The following AMOT variants were observed in gnomAD, a reference collection of about 807,000 sequenced individuals.
AMOT encodes the protein angiomotin.
AMOT carries 11 observed loss-of-function variants against 67.0 expected under a neutral mutation model. The observed-to-expected ratio is 0.16, with a 90% CI of 0.10 to 0.27. The LOEUF is 0.27. Ranked by LOEUF, AMOT falls within the 10% of genes least tolerant of loss-of-function variation. The pLI, the probability that AMOT is intolerant of heterozygous loss-of-function variation, is 1.00. For missense variants in AMOT, 753 were observed against 852.0 expected, an observed-to-expected ratio of 0.88 and a Z score of 1.45; for synonymous variants, 326 against 321.4, an observed-to-expected ratio of 1.01 and a Z score of -0.15.
In AMOT at chrX:112,775,334, A is replaced by C. The variant is rs915395881; in HGVS notation, c.*3233T>G. The C allele has an allele frequency of 1.8e-5, 2 of 112,951 alleles. No individual in the cohort carries two copies. The highest frequency in any genetic ancestry group is 1.9e-4 in the Admixed American group (2 of 10,661). The allele number at this position is 112,951 out of a possible 1,213,427, so 9.3% of individuals were successfully genotyped here. On this transcript the variant is annotated 3_prime_UTR_variant, in exon 14 of 14. Transcript: ENST00000371959. ...CCATATGCACATAAGCAATTGAGATAATAGGAGACTGTGTAGCTAACAGAT... is the reference window on the plus strand; with the variant it reads ...CCATATGCACATAAGCAATTGAGATCATAGGAGACTGTGTAGCTAACAGAT...
At chrX:112,781,461 A>C (rs1230525115) in intron 11 of AMOT, among the ~76,000 whole-genome samples, 2 of 109,099 alleles carry the variant, frequency 1.8e-5, no homozygotes. Flanking sequence ...AAAAAAAAAA[A>C]AAAAAAACCT....
At chrX:112,815,212 C>T in intron 5 of AMOT, 146 bp downstream of exon 5, 6 of 783,091 alleles carry the variant, frequency 7.7e-6, no homozygotes, top group Admixed American at 3.2e-5. Flanking sequence ...CAAAGTTTGA[C>T]TCATATCTAA....
intron 10 of AMOT, among the ~76,000 whole-genome samples, chrX:112,783,610 T>C (rs1345925637): frequency 9.0e-6 from 1 of 111,366 alleles, no homozygotes; most frequent in Non-Finnish European, 1.9e-5. Flanking sequence ...TTGCCAGAGT[T>C]CTAACTGCAT....
chrX:112,822,228 G>A, intron 4 of AMOT, 27 bp downstream of exon 4: 1 of 1,082,531 alleles, frequency 9.2e-7, no homozygotes, highest in Middle Eastern at 2.5e-4. Flanking sequence ...ATGAGGTCAG[G>A]AAATGACAGA....
chrX:112,834,644 C>T (rs1319759332), intron 1 of AMOT, among the ~76,000 whole-genome samples: 1 of 112,865 alleles, frequency 8.9e-6, no homozygotes, highest in Non-Finnish European at 1.9e-5. Flanking sequence ...TAAAATCCAG[C>T]TGTGTATAAA....
Position 112,805,046 on chromosome X carries a change from G to A in AMOT, c.1677C>T (p.Ala559=). 2 of 1,211,492 alleles carry A rather than the reference G, an allele frequency of 1.7e-6. No individual in the cohort carries two copies. The highest frequency in any genetic ancestry group is 2.2e-6 in the Non-Finnish European group (2 of 895,447). The change falls in exon 8 of 14, where the codon GCC becomes GCT. Residue 559 remains alanine, a synonymous_variant. Transcript: ENST00000371959. ...GGTCCTCATTGGTAGAACGGGCAGT[G>A]GCCAGCTCCGCTTCCAGCTTCTCCT... The part of the protein sequence containing the change: ...REKEKLEAEL[A]TARSTNEDQR...
Position 112,775,941 on chromosome X carries a change from T to C in AMOT, c.*2626A>G, listed in dbSNP as rs1016228322. ...AGGTGGCTAATTGAGATTTCTCCCA[T>C]AAACTTGAATTTTTGGAACAAAAAC... On this transcript the variant is annotated 3_prime_UTR_variant, in exon 14 of 14. Transcript: ENST00000371959. The C allele has an allele frequency of 2.7e-5, 3 of 112,527 alleles. No individual in the cohort carries two copies. Among genetic ancestry groups the C allele is most frequent in the African/African-American group, 9.7e-5 (3 of 30,873 alleles). 9.3% of individuals were successfully genotyped at this position (112,527 alleles called of 1,213,427 possible). A position where few individuals can be genotyped will look rare whatever the true frequency, so the allele number is the denominator to read the frequency against.
intron 1 of AMOT, 76 bp downstream of exon 1, chrX:112,840,376 C>T (rs944513144): frequency 5.3e-5 from 6 of 112,523 alleles, no homozygotes; most frequent in Non-Finnish European, 9.4e-5. Flanking sequence ...TCACTCACGC[C>T]GAGGGCACGA....
chrX:112,823,246 AG>A, intron 3 of AMOT, 58 bp from the exon 4 acceptor site: 2 of 729,021 alleles, frequency 2.7e-6, no homozygotes, highest in Non-Finnish European at 3.9e-6. Context: ...AGTCCTCTAA[AG>A]GGAAAGAAAA....
chrX:112,831,186 C>T (rs1354882962), intron 2 of AMOT, among the ~76,000 whole-genome samples: 1 of 109,872 alleles, frequency 9.1e-6, no homozygotes, highest in Middle Eastern at 4.2e-3. Context: ...GTCAGAGATG[C>T]CCCTGGTTTA....
chrX:112,813,061 C>A (rs1337293272), intron 5 of AMOT, among the ~76,000 whole-genome samples: 4 of 112,656 alleles, frequency 3.6e-5, no homozygotes, highest in African/African-American at 1.3e-4. Flanking sequence ...ACATTTCCAT[C>A]TGAAAGAGCA....
chrX:112,805,147 C>T, intron 7 of AMOT, 55 bp from the exon 8 acceptor site: 1 of 1,191,147 alleles, frequency 8.4e-7, no homozygotes, highest in African/African-American at 1.7e-5. Flanking sequence ...CAAAGCCTTA[C>T]CTGAGCAAAA....
intron 5 of AMOT, among the ~76,000 whole-genome samples, chrX:112,814,270 C>G (rs1934468402): frequency 9.8e-6 from 1 of 101,905 alleles, no homozygotes; most frequent in African/African-American, 3.6e-5. Flanking sequence ...GAGACTCCGT[C>G]TCAAAAAAAA....
chrX:112,818,282 C>T (rs1299328120), intron 4 of AMOT, among the ~76,000 whole-genome samples: 1 of 111,078 alleles, frequency 9.0e-6, no homozygotes, highest in African/African-American at 3.3e-5. Context: ...CCACTGGCCT[C>T]CCTCCTGCCT....
chrX:112,832,952 C>G (rs1210237049), intron 1 of AMOT, among the ~76,000 whole-genome samples: 3 of 112,094 alleles, frequency 2.7e-5, no homozygotes, highest in African/African-American at 9.8e-5. Context: ...CCTCCTCCTG[C>G]TGTTGCCTTG....
Position 112,791,688 on chromosome X carries a change from G to A in AMOT, c.1926+144C>T, listed in dbSNP as rs770018923. ...ATTCACAATTGGGAGGCACTCTGGA[G>A]TAAGATTAGGTGGGAGAAAAATGTA... On this transcript the variant is annotated intron_variant, in intron 9 of 13. Coordinates refer to ENST00000371959, the MANE Select transcript of AMOT (RefSeq NM_001113490.2). 5.6e-5 allele frequency: 42 copies of A among 752,778 alleles called. No individual in the cohort carries two copies. The South Asian group carries it at 1.1e-3, about 20-fold the overall frequency. 62.0% of individuals were successfully genotyped at this position (752,778 alleles called of 1,213,427 possible).
At position 112,823,131 on chromosome X, in the gene AMOT, A is replaced by T; in HGVS notation, c.-5T>A. 8.7e-7 allele frequency: 1 copy of T among 1,148,216 alleles called. No individual in the cohort carries two copies. The highest frequency in any genetic ancestry group is 1.2e-6 in the Non-Finnish European group (1 of 861,475). The allele number at this position is 1,148,216 out of a possible 1,213,427, so 94.6% of individuals were successfully genotyped here. A position where few individuals can be genotyped will look rare whatever the true frequency, so the allele number is the denominator to read the frequency against. Reference sequence around the variant, plus strand: ...CTGTTCTTCAGAATTTCTCATCTCTATTGCTGGTGGTGCCTTGTGAAGAGA... The same window carrying T: ...CTGTTCTTCAGAATTTCTCATCTCTTTTGCTGGTGGTGCCTTGTGAAGAGA... On this transcript the variant is annotated 5_prime_UTR_variant, in exon 4 of 14. Coordinates refer to ENST00000371959, the MANE Select transcript of AMOT (RefSeq NM_001113490.2).
chrX:112,830,454 T>G (rs1934959583), intron 2 of AMOT, among the ~76,000 whole-genome samples: 2 of 112,762 alleles, frequency 1.8e-5, no homozygotes, highest in South Asian at 7.2e-4. Flanking sequence ...TTTTCAATAT[T>G]GTAGATTGTT....
At chrX:112,790,040 C>T (rs897631809) in intron 10 of AMOT, among the ~76,000 whole-genome samples, 1 of 102,128 alleles carries the variant, frequency 9.8e-6, no homozygotes, top group African/African-American at 3.6e-5. Flanking sequence ...TCTCCCTTAC[C>T]AGATGAAATG....
Sources: gnomAD v4.1 joint callset for allele counts (sites outside exome capture counted in the v4.1 genomes callset) on GRCh38, gnomAD v4.1.1 for gene constraint, MANE v1.5 for transcripts, NCBI Gene and HGNC (gene_info 2026-07-23, HGNC 2026-07-21) for gene names.